Variants in RUFY2 observed in about 807,000 individuals in gnomAD.
RUFY2 encodes RUN and FYVE domain-containing protein 2.
In RUFY2, 49 loss-of-function variants were observed where a neutral mutation model predicts 94.4. That is an observed-to-expected ratio of 0.52 (90% CI 0.41 to 0.66). The LOEUF is 0.66. RUFY2 is among the 30% of genes least tolerant of loss of function. The pLI, the probability that RUFY2 is intolerant of heterozygous loss-of-function variation, is 0.00. For synonymous variants in RUFY2, 255 were observed against 235.7 expected (o/e 1.08, Z -0.75); for missense variants, 541 against 692.8 (o/e 0.78, Z 2.46).
intron 1 of RUFY2, among the ~76,000 whole-genome samples, chr10:68,406,099 C>CT (rs1170098130): frequency 1.3e-5 from 2 of 151,696 alleles, no homozygotes; most frequent in African/African-American, 2.4e-5. Flanking sequence ...AAACGAAGCA[C>CT]TTAGTATAAC....
chr10:68,341,964 A>G (rs1589730791), downstream of RUFY2: 12 of 1,613,398 alleles, frequency 7.4e-6, no homozygotes, highest in Non-Finnish European at 9.3e-6. Context: ...GATTCTTAAT[A>G]TCTTTTTCTT....
chr10:68,371,001 G>A (rs569959188), intron 13 of RUFY2, among the ~76,000 whole-genome samples: 27 of 151,924 alleles, frequency 1.8e-4, no homozygotes, highest in Non-Finnish European at 3.2e-4. Context: ...GTGTGGTGAC[G>A]GGCACCTGTA....
At chr10:68,401,489 T>C in intron 3 of RUFY2, 131 bp downstream of exon 3, 1 of 623,434 alleles carries the variant, frequency 1.6e-6, no homozygotes, top group Admixed American at 2.5e-5. Flanking sequence ...TGAACATAAT[T>C]TTATTATAAG....
At chr10:68,349,880 C>T (rs907681872) in intron 16 of RUFY2, among the ~76,000 whole-genome samples, 2 of 151,958 alleles carry the variant, frequency 1.3e-5, no homozygotes, top group African/African-American at 4.8e-5. Context: ...CAAAATATAA[C>T]AGGACGCTAT....
At chr10:68,379,571 T>TTGTGTG (rs373005572) in intron 11 of RUFY2, 50 bp from the exon 12 acceptor site, 4 of 1,208,344 alleles carry the variant, frequency 3.3e-6, no homozygotes, top group Non-Finnish European at 4.8e-6. Flanking sequence ...GTGTGTGTGT[T>TTGTGTG]TGTGTGTGTG....
intron 7 of RUFY2, among the ~76,000 whole-genome samples, chr10:68,389,721 T>C (rs947845343): frequency 6.6e-6 from 1 of 151,682 alleles, no homozygotes; most frequent in African/African-American, 2.4e-5. Context: ...TTAAGCCCAG[T>C]AGGTGGAGGT....
chr10:68,383,919 G>A lies in RUFY2; in HGVS notation c.823-5C>T. 1 of 1,608,444 alleles carries A rather than the reference G, an allele frequency of 6.2e-7. No homozygotes were observed. The highest frequency in any genetic ancestry group is 8.5e-7 in the Non-Finnish European group (1 of 1,175,960). On this transcript the variant is annotated splice_region_variant and splice_polypyrimidine_tract_variant and intron_variant, in intron 9 of 17. Transcript: ENST00000602465. ...TTCCACATCTACTTTGGTAACCTAG[G>A]AAGAAAACAAAATTTTTCATTCTAT...
In RUFY2 at chr10:68,406,092, C is replaced by T. The variant is rs182524690; in HGVS notation, c.4+1094G>A. 1.0e-3 allele frequency among the ~76,000 whole-genome samples: 156 copies of T among 151,874 alleles called. 1 individual carries two copies. Among genetic ancestry groups the T allele is most frequent in the African/African-American group, 3.4e-3 (139 of 41,266 alleles). On this transcript the variant is annotated intron_variant, in intron 1 of 17. Coordinates refer to ENST00000602465, the MANE Select transcript of RUFY2 (RefSeq NM_001330103.2). Reference sequence around the variant, plus strand: ...ATGACAAAACTAAGGTGTGGAAAAACGAAGCACTTAGTATAACATTTCATA... The same window carrying T: ...ATGACAAAACTAAGGTGTGGAAAAATGAAGCACTTAGTATAACATTTCATA...
intron 15 of RUFY2, among the ~76,000 whole-genome samples, chr10:68,358,428 C>T (rs2047204322): frequency 6.6e-6 from 1 of 152,096 alleles, no homozygotes. Context: ...TGGAAATAAT[C>T]AATGTAAAAC....
chr10:68,373,122 T>C (rs939351729), intron 13 of RUFY2, among the ~76,000 whole-genome samples: 5 of 152,158 alleles, frequency 3.3e-5, no homozygotes, highest in South Asian at 2.1e-4. Flanking sequence ...GGACAAGGTA[T>C]GAATACTTAA....
At chr10:68,347,097 G>C (rs921983848) in intron 16 of RUFY2, among the ~76,000 whole-genome samples, 1 of 151,832 alleles carries the variant, frequency 6.6e-6, no homozygotes, top group South Asian at 2.1e-4. Context: ...CACTGCACTC[G>C]AGCCTGAGCA....
chr10:68,373,528 A>G (rs2048414050), intron 13 of RUFY2, among the ~76,000 whole-genome samples: 1 of 152,150 alleles, frequency 6.6e-6, no homozygotes, highest in South Asian at 2.1e-4. Flanking sequence ...ATGCTTTAGG[A>G]GGCTGAGGCA....
At chr10:68,390,128 A>G (rs1487402386) in intron 7 of RUFY2, among the ~76,000 whole-genome samples, 2 of 152,222 alleles carry the variant, frequency 1.3e-5, no homozygotes, top group South Asian at 2.1e-4. Context: ...GCATTTAGAA[A>G]TACAATCTCA....
At chr10:68,377,964 T>G in intron 12 of RUFY2, 1 of 985,386 alleles carries the variant, frequency 1.0e-6, no homozygotes, top group South Asian at 4.7e-5. Flanking sequence ...AAATCCAAGT[T>G]TAAATTAAAA....
At chr10:68,355,599 T>A in intron 15 of RUFY2, 198 bp from the exon 16 acceptor site, 1 of 429,656 alleles carries the variant, frequency 2.3e-6, no homozygotes, top group Middle Eastern at 6.7e-4. Flanking sequence ...ATTTTAGATT[T>A]AAAACTTGCT....
intron 16 of RUFY2, among the ~76,000 whole-genome samples, chr10:68,347,002 C>G (rs574121247): frequency 6.6e-6 from 1 of 152,104 alleles, no homozygotes; most frequent in Non-Finnish European, 1.5e-5. Context: ...GCCCATAGTC[C>G]CAGCTACTCT....
In RUFY2 at chr10:68,346,030, C is replaced by T. The variant is rs1359582255; in HGVS notation, c.1654G>A (p.Glu552Lys). 6.2e-7 allele frequency: 1 copy of T among 1,613,866 alleles called. No homozygotes were observed. The highest frequency in any genetic ancestry group is 1.7e-5 in the Admixed American group (1 of 59,990). Residue 552 changes from glutamate (E) to lysine (K), a missense_variant, in exon 17 of 18, where the codon GAA becomes AAA. By Grantham distance (56) the Glu-to-Lys change is moderately conservative (BLOSUM62 1). Coordinates refer to ENST00000602465, the MANE Select transcript of RUFY2 (RefSeq NM_001330103.2). ...ACCTTTCTCTTAGAGAGTGAGAATT[C>T]CTTTTCACAAAGTTTACAATGTGTT... ...EATHCKLCEKEFSLSKRKHHC... is the reference protein window; with the variant it reads ...EATHCKLCEKKFSLSKRKHHC...
intron 10 of RUFY2, 51 bp from the exon 11 acceptor site, chr10:68,381,450 T>C: frequency 6.5e-7 from 1 of 1,528,242 alleles, no homozygotes. Flanking sequence ...GATGTAAAAA[T>C]TAGATATACT....
chr10:68,346,228 G>A, intron 16 of RUFY2, 144 bp from the exon 17 acceptor site: 1 of 646,818 alleles, frequency 1.5e-6, no homozygotes, highest in Non-Finnish European at 2.6e-6. Flanking sequence ...GTATATATAT[G>A]TAAATATGTA....
Sources: allele counts gnomAD v4.1 joint callset (sites outside exome capture counted in the v4.1 genomes callset), GRCh38; gene constraint gnomAD v4.1.1; transcripts MANE v1.5; gene names NCBI Gene and HGNC (gene_info 2026-07-23, HGNC 2026-07-21).